Variants in ARHGAP24 observed in about 807,000 individuals in gnomAD.
ARHGAP24 encodes the protein rho GTPase-activating protein 24.
In ARHGAP24, 50 loss-of-function variants were observed where a neutral mutation model predicts 76.4. That is an observed-to-expected ratio of 0.65 (90% CI 0.52 to 0.83). The LOEUF (loss-of-function observed/expected upper bound fraction) is 0.83, where lower values mean the gene tolerates loss of function less well. Among genes scored for constraint, ARHGAP24 ranks in the 40% least tolerant of loss-of-function variants. The probability of loss-of-function intolerance (pLI) is 0.00; values close to 1 mark genes in which losing one functional copy is unlikely to be tolerated. For missense variants in ARHGAP24, 930 were observed against 914.2 expected, an observed-to-expected ratio of 1.02 and a Z score of -0.22; for synonymous variants, 345 against 323.3, an observed-to-expected ratio of 1.07 and a Z score of -0.72.
At chr4:85,974,796 A>AT (rs1340287501) in intron 6 of ARHGAP24, 92 bp from the exon 7 acceptor site, 2 of 1,231,386 alleles carry the variant, frequency 1.6e-6, no homozygotes, top group Non-Finnish European at 2.3e-6. Flanking sequence ...TGTGAAACTA[A>AT]TTTTTTAAAA....
intron 1 of ARHGAP24, among the ~76,000 whole-genome samples, chr4:85,567,549 C>A (rs1419124218): frequency 6.6e-6 from 1 of 152,138 alleles, no homozygotes; most frequent in East Asian, 1.9e-4. Context: ...AAAGGGAGAT[C>A]GTGTTCACTT....
At chr4:85,659,667 C>A (rs1175857882) in intron 2 of ARHGAP24, among the ~76,000 whole-genome samples, 1 of 152,146 alleles carries the variant, frequency 6.6e-6, no homozygotes, top group African/African-American at 2.4e-5. Context: ...AATTAAAGTA[C>A]ACATAAGGGT....
chr4:85,861,015 C>T (rs2110176348), intron 3 of ARHGAP24, among the ~76,000 whole-genome samples: 1 of 151,890 alleles, frequency 6.6e-6, no homozygotes, highest in East Asian at 1.9e-4. Flanking sequence ...CACACACACA[C>T]ACACACACAC....
chr4:86,000,091 T>G (rs928348685), intron 9 of ARHGAP24: 1 of 157,868 alleles, frequency 6.3e-6, no homozygotes, highest in Non-Finnish European at 1.4e-5. Flanking sequence ...TTTTTTTTTT[T>G]TTTTTGTTAA....
At chr4:85,723,634 T>G (rs368215440) in intron 3 of ARHGAP24, 129 of 152,334 alleles carry the variant, frequency 8.5e-4, no homozygotes, top group African/African-American at 2.9e-3. Flanking sequence ...AAAAGATGCT[T>G]CCTGAATTAT....
chr4:85,758,229 C>T (rs1025474177), intron 3 of ARHGAP24, among the ~76,000 whole-genome samples: 3 of 152,146 alleles, frequency 2.0e-5, no homozygotes, highest in South Asian at 2.1e-4. Flanking sequence ...TGCCAAGGAA[C>T]GTATCAGTTA....
chr4:85,848,680 A>C (rs345326), intron 3 of ARHGAP24, among the ~76,000 whole-genome samples: 3 of 152,078 alleles, frequency 2.0e-5, no homozygotes, highest in Non-Finnish European at 2.9e-5. Flanking sequence ...GCCAGTTTGC[A>C]CAACGCCATT....
intron 1 of ARHGAP24, among the ~76,000 whole-genome samples, chr4:85,526,319 G>C (rs1199319429): frequency 6.6e-6 from 1 of 150,810 alleles, no homozygotes; most frequent in Non-Finnish European, 1.5e-5. Context: ...AGGATGGCTT[G>C]ACCCCAGGAG....
chr4:85,580,297 G>A (rs1727556271), intron 2 of ARHGAP24, among the ~76,000 whole-genome samples: 1 of 152,170 alleles, frequency 6.6e-6, no homozygotes, highest in Admixed American at 6.6e-5. Context: ...GCCTATTGCT[G>A]TTGGGGACTA....
At chr4:85,869,376 A>G (rs1170035998) in intron 3 of ARHGAP24, among the ~76,000 whole-genome samples, 2 of 152,026 alleles carry the variant, frequency 1.3e-5, no homozygotes, top group Non-Finnish European at 2.9e-5. Context: ...CTCCTATGCA[A>G]TTTTTGTCAT....
intron 3 of ARHGAP24, among the ~76,000 whole-genome samples, chr4:85,882,001 A>G (rs1733281488): frequency 2.0e-5 from 3 of 152,214 alleles, no homozygotes; most frequent in Non-Finnish European, 4.4e-5. Context: ...TTAGTAAAGG[A>G]AAATGTCCAA....
At chr4:85,555,925 A>C (rs988628496) in intron 1 of ARHGAP24, among the ~76,000 whole-genome samples, 1 of 152,072 alleles carries the variant, frequency 6.6e-6, no homozygotes, top group Admixed American at 6.5e-5. Flanking sequence ...GTCCTAAAGG[A>C]GGTGTGGTTA....
At chr4:85,692,139 A>G (rs945562179) in intron 2 of ARHGAP24, among the ~76,000 whole-genome samples, 6 of 152,178 alleles carry the variant, frequency 3.9e-5, no homozygotes, top group African/African-American at 1.4e-4. Context: ...TTCTTTAAGG[A>G]TGCTGAAAAT....
chr4:85,767,683 T>C (rs1160580080), intron 3 of ARHGAP24, among the ~76,000 whole-genome samples: 1 of 152,210 alleles, frequency 6.6e-6, no homozygotes, highest in Admixed American at 6.5e-5. Flanking sequence ...TGTTTTAAAT[T>C]TTCAGTAGCA....
In ARHGAP24 at chr4:85,813,006, T is replaced by C. The variant is rs556457134; in HGVS notation, c.268+91034T>C. On this transcript the variant is annotated intron_variant, in intron 3 of 9. Coordinates refer to ENST00000395184, the MANE Select transcript of ARHGAP24 (RefSeq NM_001025616.3). ...TCCTCAAAGCTTAGACATATGTCTG[T>C]CAACCAGAAAACAGTTTCTTTTTTC... Among the ~76,000 whole-genome samples the C allele has an allele frequency of 7.2e-5, 11 of 152,288 alleles. 1 individual carries two copies. Among genetic ancestry groups the C allele is most frequent in the Middle Eastern group, 3.4e-3 (1 of 294 alleles).
chr4:85,596,375 A>G lies in ARHGAP24; in HGVS notation c.180+25654A>G, dbSNP rs538409706. 8.5e-5 allele frequency among the ~76,000 whole-genome samples: 13 copies of G among 152,124 alleles called. No homozygotes were observed. The East Asian group carries it at 2.5e-3, about 29-fold the overall frequency. Reference sequence around the variant, plus strand: ...AGTCAAGGTCTGAGCTTTATAATATAGCAGTTGTTCAAAAACAACTCATGT... The same window carrying G: ...AGTCAAGGTCTGAGCTTTATAATATGGCAGTTGTTCAAAAACAACTCATGT... On this transcript the variant is annotated intron_variant, in intron 2 of 9. Transcript: ENST00000395184.
At chr4:85,673,270 T>G (rs1219144430) in intron 2 of ARHGAP24, among the ~76,000 whole-genome samples, 1 of 152,150 alleles carries the variant, frequency 6.6e-6, no homozygotes, top group Non-Finnish European at 1.5e-5. Context: ...CTCTTTATCT[T>G]CCTTTATAAT....
chr4:85,632,607 A>G (rs1251986315), intron 2 of ARHGAP24, among the ~76,000 whole-genome samples: 2 of 152,058 alleles, frequency 1.3e-5, no homozygotes, highest in Non-Finnish European at 2.9e-5. Flanking sequence ...TATCGTGTAT[A>G]CACAGTGGTG....
chr4:85,978,857 C>T (rs1739484071), intron 8 of ARHGAP24, among the ~76,000 whole-genome samples: 1 of 152,074 alleles, frequency 6.6e-6, no homozygotes, highest in Non-Finnish European at 1.5e-5. Context: ...TCCTAATATC[C>T]AGAATTTTAT....
Sources: allele counts gnomAD v4.1 joint callset (sites outside exome capture counted in the v4.1 genomes callset), GRCh38; gene constraint gnomAD v4.1.1; transcripts MANE v1.5; gene names NCBI Gene and HGNC (gene_info 2026-07-23, HGNC 2026-07-21).